TCP1: variants seen among roughly 807,000 people sequenced by gnomAD.
TCP1 encodes the protein t-complex 1, also known as T-complex protein 1 subunit alpha.
In TCP1, 6 loss-of-function variants were observed where a neutral mutation model predicts 54.7. The observed-to-expected ratio is 0.11, with a 90% confidence interval of 0.06 to 0.22. The LOEUF (loss-of-function observed/expected upper bound fraction) is 0.22, where lower values mean the gene tolerates loss of function less well. Ranked by LOEUF, TCP1 falls within the 10% of genes least tolerant of loss-of-function variation. The pLI, the probability that TCP1 is intolerant of heterozygous loss-of-function variation, is 1.00. For missense variants in TCP1, 511 were observed against 678.2 expected, an observed-to-expected ratio of 0.75 and a Z score of 2.74; for synonymous variants, 225 against 229.7, an observed-to-expected ratio of 0.98 and a Z score of 0.19.
At chr6:159,783,867 T>C in intron 7 of TCP1, 74 bp downstream of exon 7, 1 of 1,490,228 alleles carries the variant, frequency 6.7e-7, no homozygotes, top group Non-Finnish European at 8.9e-7. Flanking sequence ...GTAAAATAGT[T>C]TGACTTGGCT....
intron 3 of TCP1, among the ~76,000 whole-genome samples, chr6:159,787,043 G>C (rs558213406): frequency 1.3e-4 from 18 of 140,446 alleles, no homozygotes; most frequent in Admixed American, 7.6e-4. Flanking sequence ...AGGAGTTCAA[G>C]ACCAGCCTGG....
At chr6:159,783,556 T>C (rs1207136060) in intron 7 of TCP1, among the ~76,000 whole-genome samples, 4 of 151,892 alleles carry the variant, frequency 2.6e-5, no homozygotes, top group African/African-American at 9.7e-5. Context: ...AACAATTTAT[T>C]GTTTTAAGTG....
rs1780655102 is a variant in TCP1 at position 159,784,830 on chromosome 6, G to C, written c.506C>G (p.Ala169Gly). Residue 169 changes from alanine (A) to glycine (G), a missense_variant, in exon 6 of 12, where the codon GCT becomes GGT. By Grantham distance (60) the Ala-to-Gly change is moderately conservative (BLOSUM62 0). This residue lies in a region of TCP1 where 305 missense variants were observed against 352.8 expected (regional missense o/e 0.86). Coordinates refer to ENST00000321394, the MANE Select transcript of TCP1 (RefSeq NM_030752.3). Reference protein sequence around the residue: ...KIIGINGDFFANMVVDAVLAI... With the variant: ...KIIGINGDFFGNMVVDAVLAI... ...AAGTACAGCATCTACTACCATGTTA[G>C]CAAAGAAATCACCATTTCTACGCCA... 6.2e-7 allele frequency: 1 copy of C among 1,614,146 alleles called. No individual in the cohort carries two copies. The highest frequency in any genetic ancestry group is 8.5e-7 in the Non-Finnish European group (1 of 1,180,026).
rs1329917701 is a variant in TCP1 at position 159,781,027 on chromosome 6, T to C, written c.881A>G (p.Asp294Gly). 7 of 1,613,592 alleles carry C rather than the reference T, an allele frequency of 4.3e-6. No homozygotes were observed. The highest frequency in any genetic ancestry group is 5.9e-6 in the Non-Finnish European group (7 of 1,179,816). The change falls in exon 8 of 12, where the codon GAT (aspartate) becomes GGT (glycine). Residue 294 changes from aspartate to glycine, a missense_variant. This residue lies in a region of TCP1 where 305 missense variants were observed against 352.8 expected (regional missense o/e 0.86). Transcript: ENST00000321394. ...CTCCACAAAATACTTCAGACACATA[T>C]CATCAATTCCACCAGTGGTTAGAAT... ...NVILTTGGID[D>G]MCLKYFVEAG...
Position 159,779,743 on chromosome 6 carries a change from A to G in TCP1, c.1338T>C (p.Leu446=). The G allele has an allele frequency of 1.2e-6, 2 of 1,611,232 alleles. No homozygotes were observed. The highest frequency in any genetic ancestry group is 1.1e-5 in the South Asian group (1 of 90,346). ...LAIAEFARSL[L]VIPNTLAVNA... ...TAACTGCTAGTGTATTGGGAATAAC[A>G]AGAAGTGATCTTGCAAACTCTGCAA... is the stretch of plus-strand genomic sequence containing the variant. The change falls in exon 11 of 12, where the codon CTT becomes CTC. Residue 446 remains leucine (L), a synonymous_variant. Coordinates refer to ENST00000321394, the MANE Select transcript of TCP1 (RefSeq NM_030752.3).
At chr6:159,789,268 G>A in intron 1 of TCP1, 137 bp downstream of exon 1, 3 of 940,556 alleles carry the variant, frequency 3.2e-6, no homozygotes, top group Non-Finnish European at 4.8e-6. Context: ...AACGGCGGGT[G>A]GGCTGGGTCC....
chr6:159,781,350 G>T (rs1436329394), intron 7 of TCP1, among the ~76,000 whole-genome samples: 1 of 152,194 alleles, frequency 6.6e-6, no homozygotes, highest in African/African-American at 2.4e-5. Context: ...AGGGAACACA[G>T]GTCCTGCCTT....
Position 159,789,421 on chromosome 6 carries a change from C to G in TCP1, c.48G>C (p.Thr16=), listed in dbSNP as rs1157726580. Residue 16 remains threonine (T), a synonymous_variant, in exon 1 of 12, where the codon ACG becomes ACC. Coordinates refer to ENST00000321394, the MANE Select transcript of TCP1 (RefSeq NM_030752.3). The stretch of plus-strand genomic sequence containing the variant: ...CGCCCTTACCGTTTTGGGAGCGGAT[C>G]GTTTCCCCAGTGCTGCGGTCACCGA... ...SVFGDRSTGE[T]IRSQNVMAAA... 2 of 1,613,592 alleles carry G rather than the reference C, an allele frequency of 1.2e-6. No homozygotes were observed. Among genetic ancestry groups the G allele is most frequent in the Middle Eastern group, 1.6e-4 (1 of 6,062 alleles).
At chr6:159,787,233 TAC>T (rs1274753592) in intron 3 of TCP1, among the ~76,000 whole-genome samples, 2 of 152,170 alleles carry the variant, frequency 1.3e-5, no homozygotes, top group African/African-American at 4.8e-5. Context: ...CAGACTGTGC[TAC>T]AGATGGTCTC....
At chr6:159,788,189 C>G (rs775596058) in intron 1 of TCP1, 46 bp from the exon 2 acceptor site, 1 of 1,571,024 alleles carries the variant, frequency 6.4e-7, no homozygotes, top group Non-Finnish European at 8.7e-7. Context: ...GGATAAGCCA[C>G]AACTCTGAAA....
rs1009167891 is a variant in TCP1 at position 159,789,574 on chromosome 6, C to T, written c.-106G>A. 5.1e-6 allele frequency: 7 copies of T among 1,366,518 alleles called. No individual in the cohort carries two copies. Among genetic ancestry groups the T allele is most frequent in the African/African-American group, 1.4e-5 (1 of 69,470 alleles). 84.6% of individuals were successfully genotyped at this position (1,366,518 alleles called of 1,614,324 possible). ...CAGCAGTGGCTGCGACGGCGTGGAGCGTACCCGAGCGATGTCCCAGGAGCT... is the reference window on the plus strand; with the variant it reads ...CAGCAGTGGCTGCGACGGCGTGGAGTGTACCCGAGCGATGTCCCAGGAGCT... On this transcript the variant is annotated 5_prime_UTR_variant, in exon 1 of 12. Transcript: ENST00000321394.
intron 1 of TCP1, chr6:159,788,585 G>GA (rs56336043): frequency 0.74 from 108,906 of 147,470 alleles, 40,341 homozygotes; most frequent in South Asian, 0.82. Context: ...TGATGGCGGG[G>GA]AAAAAAAAAA....
chr6:159,789,259 A>C (rs1780787470), intron 1 of TCP1, 146 bp downstream of exon 1: 1 of 864,398 alleles, frequency 1.2e-6, no homozygotes. Flanking sequence ...GCCCCAGAGA[A>C]CGGCGGGTGG....
chr6:159,789,168 C>A, intron 1 of TCP1: 1 of 521,034 alleles, frequency 1.9e-6, no homozygotes, highest in Non-Finnish European at 3.4e-6. Flanking sequence ...GACACCACAT[C>A]CACGCGTTGC....
chr6:159,780,301 A>T, intron 9 of TCP1, 142 bp downstream of exon 9: 1 of 1,354,950 alleles, frequency 7.4e-7, no homozygotes, highest in Non-Finnish European at 1.1e-6. Context: ...ATCTCAATTT[A>T]CAGTGGCCCA....
rs769096791 is a variant in TCP1 at position 159,780,119 on chromosome 6, A to G, written c.1098-32T>C. ...AAAACAAAAGTACAATTCTTGTAAT[A>G]GCATTTTTAAAAATTTTTTTTTGCC... On this transcript the variant is annotated intron_variant, in intron 9 of 11. Transcript: ENST00000321394. The G allele has an allele frequency of 9.5e-6, 15 of 1,579,554 alleles. No homozygotes were observed. The East Asian group carries it at 3.4e-4, about 35-fold the overall frequency.
chr6:159,784,047 T>G lies in TCP1; in HGVS notation c.691A>C (p.Asn231His). 6.2e-7 allele frequency: 1 copy of G among 1,613,884 alleles called. No homozygotes were observed. The highest frequency in any genetic ancestry group is 2.2e-5 in the East Asian group (1 of 44,858). The change falls in exon 7 of 12, where the codon AAT (asparagine) becomes CAT (histidine). Residue 231 changes from asparagine (N) to histidine (H), a missense_variant. Around this residue, in one of 5 missense-constraint regions of TCP1, gnomAD observed 305 missense variants for 352.8 expected, o/e 0.86. Coordinates refer to ENST00000321394, the MANE Select transcript of TCP1 (RefSeq NM_030752.3). ...GSQGMPKRIV[N>H]AKIACLDFSL... is the part of the protein sequence containing the mutation. ...AAGTCAAGGCAAGCAATTTTTGCAT[T>G]TACGATTCTCTTGGGCATGCCTACA...
chr6:159,789,310 G>C (rs1420974019), intron 1 of TCP1, 95 bp downstream of exon 1: 2 of 1,455,764 alleles, frequency 1.4e-6, no homozygotes, highest in African/African-American at 1.4e-5. Context: ...TTTCTGCGGA[G>C]GTAAAGGAGA....
intron 4 of TCP1, 175 bp from the exon 5 acceptor site, chr6:159,785,671 T>C: frequency 1.3e-6 from 1 of 795,486 alleles, no homozygotes. Context: ...AAGTTTAATC[T>C]ATCCCATAAG....
Sources: gnomAD v4.1 joint callset for allele counts (sites outside exome capture counted in the v4.1 genomes callset) on GRCh38, gnomAD v4.1.1 for gene constraint, gnomAD v4.1.1 regional missense constraint, MANE v1.5 for transcripts, NCBI Gene and HGNC (gene_info 2026-07-23, HGNC 2026-07-21) for gene names.